The following WNT1 variants were observed in gnomAD, a reference collection of about 807,000 sequenced individuals.
WNT1 encodes Wnt family member 1.
WNT1 carries 10 observed loss-of-function variants against 21.3 expected under a neutral mutation model. The ratio of observed to expected loss-of-function variants is 0.47; its 90% CI spans 0.29 to 0.80. The LOEUF (loss-of-function observed/expected upper bound fraction) is 0.80. Ranked by LOEUF, WNT1 falls within the 30% of genes least tolerant of loss-of-function variation. The pLI is 0.09. For missense variants in WNT1, 476 were observed against 534.1 expected (o/e 0.89, Z 1.07); for synonymous variants, 208 against 236.3 (o/e 0.88, Z 1.10).
chr12:48,979,611 G>GT lies in WNT1; in HGVS notation c.249dup (p.Gly84TrpfsTer71). ...AATCCGGGGATCCTGCACAGCGTGA[G>GT]TGGGGGGCTGCAGAGTGCCGTGCGC... On this transcript the variant is annotated frameshift_variant, in exon 2 of 4. Coordinates refer to ENST00000293549, the MANE Select transcript of WNT1 (RefSeq NM_005430.4). LOFTEE classifies it high-confidence loss of function. This position sits in a 1 kb window ranked among gnomAD's most constrained non-coding sequence, Gnocchi z 6.0. 2 of 1,614,144 alleles carry GT rather than the reference G, an allele frequency of 1.2e-6. No homozygotes were observed. The highest frequency in any genetic ancestry group is 2.2e-5 in the South Asian group (2 of 91,090).
In WNT1 at chr12:48,981,863, G is replaced by A. The variant is rs753329036; in HGVS notation, c.*223G>A. Among the ~76,000 whole-genome samples the A allele has an allele frequency of 6.6e-6, 1 of 152,224 alleles. No homozygotes were observed. The highest frequency in any genetic ancestry group is 1.9e-4 in the East Asian group (1 of 5,174). ...CTTGCCATCCTGATGGACCTGCCCC[G>A]GACCTACCTCCCTCCCTCTCCGCGG... On this transcript the variant is annotated 3_prime_UTR_variant, in exon 4 of 4. Coordinates refer to ENST00000293549, the MANE Select transcript of WNT1 (RefSeq NM_005430.4). This position sits in a 1 kb window ranked among gnomAD's most constrained non-coding sequence, Gnocchi z 7.4.
In WNT1 at chr12:48,979,380, AC is replaced by A; in HGVS notation, c.105-83del. The A allele has an allele frequency of 6.8e-7, 1 of 1,466,404 alleles. No individual in the cohort carries two copies. The highest frequency in any genetic ancestry group is 9.1e-7 in the Non-Finnish European group (1 of 1,097,218). The allele number at this position is 1,466,404 out of a possible 1,614,324, so 90.8% of individuals were successfully genotyped here. A position where few individuals can be genotyped will look rare whatever the true frequency, so the allele number is the denominator to read the frequency against. On this transcript the variant is annotated intron_variant, in intron 1 of 3. Coordinates refer to ENST00000293549, the MANE Select transcript of WNT1 (RefSeq NM_005430.4). This position sits in a 1 kb window ranked among gnomAD's most constrained non-coding sequence, Gnocchi z 6.0. ...CTCCCGCCATTCTCTCCAGCCACATACCCCCAGGAAGAGGACCGGGTGGCAC... is the reference window on the plus strand; with the variant it reads ...CTCCCGCCATTCTCTCCAGCCACATACCCCAGGAAGAGGACCGGGTGGCAC...
At position 48,981,403 on chromosome 12, in the gene WNT1, C is replaced by G. The variant is rs1030926794; in HGVS notation, c.876C>G (p.Phe292Leu). Reference protein sequence around the residue: ...KPPSPHDLVYFEKSPNFCTYS... With the variant: ...KPPSPHDLVYLEKSPNFCTYS... ...CCTCCCCCCACGACCTCGTCTACTTCGAGAAATCGCCCAACTTCTGCACGT... is the reference window on the plus strand; with the variant it reads ...CCTCCCCCCACGACCTCGTCTACTTGGAGAAATCGCCCAACTTCTGCACGT... The change falls in exon 4 of 4, where the codon TTC becomes TTG. Residue 292 changes from phenylalanine (F) to leucine (L), a missense_variant. Phe to Leu is a conservative substitution (Grantham distance 22). Transcript: ENST00000293549. This position sits in a 1 kb window ranked among gnomAD's most constrained non-coding sequence, Gnocchi z 7.4. 6.3e-7 allele frequency: 1 copy of G among 1,580,944 alleles called. No homozygotes were observed. The highest frequency in any genetic ancestry group is 1.3e-5 in the African/African-American group (1 of 74,124).
chr12:48,980,756 C>A lies in WNT1; in HGVS notation c.624+67C>A. The A allele has an allele frequency of 6.8e-7, 1 of 1,472,986 alleles. No individual in the cohort carries two copies. Among genetic ancestry groups the A allele is most frequent in the Non-Finnish European group, 9.0e-7 (1 of 1,112,140 alleles). 91.2% of individuals were successfully genotyped at this position (1,472,986 alleles called of 1,614,324 possible). On this transcript the variant is annotated intron_variant, in intron 3 of 3. Transcript: ENST00000293549. The surrounding 1 kb of genome is among the most constrained non-coding windows in gnomAD (Gnocchi z 7.0). Reference sequence around the variant, plus strand: ...GGCCAACCTCGGGCTGGGGAAGTGACGGTCGGTGAGATAAGGCAAGGGGCA... The same window carrying A: ...GGCCAACCTCGGGCTGGGGAAGTGAAGGTCGGTGAGATAAGGCAAGGGGCA...
chr12:48,979,422 G>C lies in WNT1; in HGVS notation c.105-46G>C. On this transcript the variant is annotated intron_variant, in intron 1 of 3. Transcript: ENST00000293549. This position sits in a 1 kb window ranked among gnomAD's most constrained non-coding sequence, Gnocchi z 6.0. The stretch of plus-strand genomic sequence containing the variant: ...CGGGTGGCACAGTTTTTATGGTTAG[G>C]GTGCGGATCCCCTTCCTGAGCCTGA... 6.4e-7 allele frequency: 1 copy of C among 1,553,976 alleles called. No individual in the cohort carries two copies.
rs1220322830 is a variant in WNT1, at chr12:48,980,708, C to T, written c.624+19C>T. On this transcript the variant is annotated intron_variant, in intron 3 of 3. Coordinates refer to ENST00000293549, the MANE Select transcript of WNT1 (RefSeq NM_005430.4). The surrounding 1 kb of genome is among the most constrained non-coding windows in gnomAD (Gnocchi z 7.0). ...CCGTACGGTGAGCTTTGAGAGGCTC[C>T]GCACCCTAAGCGGAGCGGCAGGGGC... The T allele has an allele frequency of 1.3e-6, 2 of 1,521,280 alleles. No homozygotes were observed. The highest frequency in any genetic ancestry group is 1.8e-6 in the Non-Finnish European group (2 of 1,136,170). 94.2% of individuals were successfully genotyped at this position (1,521,280 alleles called of 1,614,324 possible).
Position 48,979,588 on chromosome 12 carries a change from T to C in WNT1, c.225T>C (p.Asn75=). Residue 75 remains asparagine, a synonymous_variant, in exon 2 of 4, where the codon AAT becomes AAC. Coordinates refer to ENST00000293549, the MANE Select transcript of WNT1 (RefSeq NM_005430.4). The surrounding 1 kb of genome is among the most constrained non-coding windows in gnomAD (Gnocchi z 6.0). The part of the protein sequence containing the change: ...SRKQRRLIRQ[N]PGILHSVSGG... ...AACAGCGGCGTCTGATACGCCAAAA[T>C]CCGGGGATCCTGCACAGCGTGAGTG... is the stretch of plus-strand genomic sequence containing the variant. 1 of 1,614,050 alleles carries C rather than the reference T, an allele frequency of 6.2e-7. No individual in the cohort carries two copies. The highest frequency in any genetic ancestry group is 1.7e-5 in the Admixed American group (1 of 60,026).
Position 48,979,031 on chromosome 12 carries a change from C to T in WNT1, c.104+277C>T, listed in dbSNP as rs1247365534. Among the ~76,000 whole-genome samples the T allele has an allele frequency of 6.6e-6, 1 of 152,264 alleles. No homozygotes were observed. Among genetic ancestry groups the T allele is most frequent in the Non-Finnish European group, 1.5e-5 (1 of 68,048 alleles). On this transcript the variant is annotated intron_variant, in intron 1 of 3. Coordinates refer to ENST00000293549, the MANE Select transcript of WNT1 (RefSeq NM_005430.4). This position sits in a 1 kb window ranked among gnomAD's most constrained non-coding sequence, Gnocchi z 6.0. ...CTTCCCCTTTGAGCGCCAACTCCAG[C>T]CTCACGGCGGTGGCTCACCACAGGT...
rs1941016815 is a variant in WNT1, at chr12:48,981,628, C to A, written c.1101C>A (p.His367Gln). ...ACTGCACGCACACGCGCGTACTGCA[C>A]GAGTGTCTGTGAGGCGCTGCGCGGA... Reference protein sequence around the residue: ...CRNCTHTRVLHECL With the variant: ...CRNCTHTRVLQECL The change falls in exon 4 of 4, where the codon CAC becomes CAA. Residue 367 changes from histidine to glutamine, a missense_variant. Coordinates refer to ENST00000293549, the MANE Select transcript of WNT1 (RefSeq NM_005430.4). This position sits in a 1 kb window ranked among gnomAD's most constrained non-coding sequence, Gnocchi z 7.4. The A allele has an allele frequency of 1.4e-6, 2 of 1,459,554 alleles. No individual in the cohort carries two copies. Among genetic ancestry groups the A allele is most frequent in the East Asian group, 5.2e-5 (2 of 38,454 alleles). The allele number at this position is 1,459,554 out of a possible 1,614,324, so 90.4% of individuals were successfully genotyped here. A position where few individuals can be genotyped will look rare whatever the true frequency, so the allele number is the denominator to read the frequency against.
In WNT1 at chr12:48,981,464, C is replaced by A. The variant is rs1162097828; in HGVS notation, c.937C>A (p.Arg313Ser). 9 of 1,558,790 alleles carry A rather than the reference C, an allele frequency of 5.8e-6. No individual in the cohort carries two copies. Among genetic ancestry groups the A allele is most frequent in the Non-Finnish European group, 7.8e-6 (9 of 1,151,666 alleles). Reference sequence around the variant, plus strand: ...CCTGGGCACAGCAGGCACGGCAGGGCGCGCCTGTAACAGCTCGTCGCCCGC... The same window carrying A: ...CCTGGGCACAGCAGGCACGGCAGGGAGCGCCTGTAACAGCTCGTCGCCCGC... ...GRLGTAGTAG[R>S]ACNSSSPALD... is the part of the protein sequence containing the mutation. Residue 313 changes from arginine (R) to serine (S), a missense_variant, in exon 4 of 4, where the codon CGC (arginine) becomes AGC (serine). Transcript: ENST00000293549. This position sits in a 1 kb window ranked among gnomAD's most constrained non-coding sequence, Gnocchi z 7.4.
At position 48,980,808 on chromosome 12, in the gene WNT1, G is replaced by A. The variant is rs924128014; in HGVS notation, c.624+119G>A. 1.6e-5 allele frequency: 23 copies of A among 1,425,502 alleles called. No individual in the cohort carries two copies. Among genetic ancestry groups the A allele is most frequent in the Admixed American group, 2.9e-5 (1 of 34,488 alleles). 88.3% of individuals were successfully genotyped at this position (1,425,502 alleles called of 1,614,324 possible). ...CAGGAGAGGGCGTCCTGGGAGAGCC[G>A]GAGGCTTGGAACGAAGACGGAGAAT... On this transcript the variant is annotated intron_variant, in intron 3 of 3. Coordinates refer to ENST00000293549, the MANE Select transcript of WNT1 (RefSeq NM_005430.4). This position sits in a 1 kb window ranked among gnomAD's most constrained non-coding sequence, Gnocchi z 7.0.
In WNT1 at chr12:48,979,624, G is replaced by C. The variant is rs1411332825; in HGVS notation, c.261G>C (p.Gln87His). 4 of 1,614,070 alleles carry C rather than the reference G, an allele frequency of 2.5e-6. No homozygotes were observed. The highest frequency in any genetic ancestry group is 3.4e-6 in the Non-Finnish European group (4 of 1,180,018). ...TGCACAGCGTGAGTGGGGGGCTGCA[G>C]AGTGCCGTGCGCGAGTGCAAGTGGC... ...GILHSVSGGLQSAVRECKWQF... is the reference protein window; with the variant it reads ...GILHSVSGGLHSAVRECKWQF... Residue 87 changes from glutamine (Q) to histidine (H), a missense_variant, in exon 2 of 4, where the codon CAG becomes CAC. Transcript: ENST00000293549. The surrounding 1 kb of genome is among the most constrained non-coding windows in gnomAD (Gnocchi z 6.0).
rs771501280 is a variant in WNT1, at chr12:48,981,074, G to T, written c.625-78G>T. 5 of 1,555,684 alleles carry T rather than the reference G, an allele frequency of 3.2e-6. No homozygotes were observed. The highest frequency in any genetic ancestry group is 4.3e-6 in the Non-Finnish European group (5 of 1,150,436). ...TTTGCTGAGGTCCGGCCCCCGTGGC[G>T]TCCGGGAGAGGGCAGTGTCTGGGAG... On this transcript the variant is annotated intron_variant, in intron 3 of 3. Transcript: ENST00000293549. The surrounding 1 kb of genome is among the most constrained non-coding windows in gnomAD (Gnocchi z 7.4).
chr12:48,981,350 G>A lies in WNT1; in HGVS notation c.823G>A (p.Glu275Lys). The A allele has an allele frequency of 1.3e-6, 2 of 1,567,546 alleles. No individual in the cohort carries two copies. The highest frequency in any genetic ancestry group is 1.2e-5 in the South Asian group (1 of 86,320). Residue 275 changes from glutamate (E) to lysine (K), a missense_variant, in exon 4 of 4, where the codon GAG (glutamate) becomes AAG (lysine). Glu to Lys is a moderately conservative substitution (Grantham distance 56, BLOSUM62 1). Coordinates refer to ENST00000293549, the MANE Select transcript of WNT1 (RefSeq NM_005430.4). The surrounding 1 kb of genome is among the most constrained non-coding windows in gnomAD (Gnocchi z 7.4). ...RASRAELLRL[E>K]PEDPAHKPPS... Reference sequence around the variant, plus strand: ...TTCGCGGGCGGAGCTGCTGCGCCTGGAGCCGGAAGACCCGGCCCACAAACC... The same window carrying A: ...TTCGCGGGCGGAGCTGCTGCGCCTGAAGCCGGAAGACCCGGCCCACAAACC...
At position 48,982,171 on chromosome 12, in the gene WNT1, G is replaced by A. The variant is rs1244397072; in HGVS notation, c.*531G>A. Among the ~76,000 whole-genome samples the A allele has an allele frequency of 2.0e-5, 3 of 152,186 alleles. No individual in the cohort carries two copies. Among genetic ancestry groups the A allele is most frequent in the East Asian group, 3.9e-4 (2 of 5,186 alleles). Reference sequence around the variant, plus strand: ...CAGGAGGTTACAGGGCAAAAGGGCAGCTGTGATGATGTGGAAATGAGGTTG... The same window carrying A: ...CAGGAGGTTACAGGGCAAAAGGGCAACTGTGATGATGTGGAAATGAGGTTG... On this transcript the variant is annotated 3_prime_UTR_variant, in exon 4 of 4. Coordinates refer to ENST00000293549, the MANE Select transcript of WNT1 (RefSeq NM_005430.4).
Sources: gnomAD v4.1 joint callset for allele counts (sites outside exome capture counted in the v4.1 genomes callset) on GRCh38, gnomAD v4.1.1 for gene constraint, Gnocchi (gnomAD v3.1) non-coding constraint, MANE v1.5 for transcripts, NCBI Gene and HGNC (gene_info 2026-07-23, HGNC 2026-07-21) for gene names.